IMMP2L: variants seen among roughly 807,000 people sequenced by gnomAD.
The protein encoded by IMMP2L is mitochondrial inner membrane protease subunit 2.
Under a neutral mutation model 19.3 loss-of-function variants are expected in IMMP2L, and 18 were observed. The ratio of observed to expected loss-of-function variants is 0.93; its 90% CI spans 0.64 to 1.38. The LOEUF is 1.38. IMMP2L is among the 40% of genes most tolerant of loss of function. The pLI is 0.00. For missense variants in IMMP2L, 233 were observed against 218.2 expected (o/e 1.07, Z -0.43); for synonymous variants, 76 against 73.0 (o/e 1.04, Z -0.21).
At chr7:111,459,264 A>G (rs912223652) in intron 3 of IMMP2L, among the ~76,000 whole-genome samples, 1 of 152,142 alleles carries the variant, frequency 6.6e-6, no homozygotes, top group African/African-American at 2.4e-5. Flanking sequence ...GCAGTCCAGA[A>G]GTGAAATTAA....
At chr7:110,852,519 GTT>G (rs1806341864) in intron 5 of IMMP2L, among the ~76,000 whole-genome samples, 2 of 152,134 alleles carry the variant, frequency 1.3e-5, no homozygotes, top group African/African-American at 4.8e-5. Context: ...CTATAGGGCT[GTT>G]GATGATGTGC....
intron 5 of IMMP2L, among the ~76,000 whole-genome samples, chr7:110,668,068 T>C (rs1417929830): frequency 6.6e-6 from 1 of 152,176 alleles, no homozygotes; most frequent in Non-Finnish European, 1.5e-5. Flanking sequence ...ATATATCCTG[T>C]AAGCTACCTC....
intron 5 of IMMP2L, among the ~76,000 whole-genome samples, chr7:110,861,545 G>A (rs1807433358): frequency 6.6e-6 from 1 of 152,000 alleles, no homozygotes; most frequent in Non-Finnish European, 1.5e-5. Flanking sequence ...TTTTATAGGT[G>A]TGAGCCACCA....
At chr7:110,799,043 CTAGTGATT>C (rs1305826493) in intron 5 of IMMP2L, among the ~76,000 whole-genome samples, 1 of 151,820 alleles carries the variant, frequency 6.6e-6, no homozygotes, top group Non-Finnish European at 1.5e-5. Flanking sequence ...TTGTTGTTTT[CTAGTGATT>C]TACCGAATTA....
At chr7:110,777,094 A>T (rs775023395) in intron 5 of IMMP2L, among the ~76,000 whole-genome samples, 63 of 151,984 alleles carry the variant, frequency 4.1e-4, no homozygotes, top group Non-Finnish European at 8.1e-4. Flanking sequence ...AGTAGTAAGA[A>T]ATTAGTATCA....
intron 1 of IMMP2L, among the ~76,000 whole-genome samples, chr7:111,548,372 T>C (rs1849134475): frequency 6.6e-6 from 1 of 152,192 alleles, no homozygotes; most frequent in Admixed American, 6.5e-5. Context: ...TCTTATTTGC[T>C]GGTGACAATT....
intron 3 of IMMP2L, among the ~76,000 whole-genome samples, chr7:111,308,182 C>G (rs1823095227): frequency 6.6e-6 from 1 of 151,930 alleles, no homozygotes; most frequent in Non-Finnish European, 1.5e-5. Flanking sequence ...AATGTCTACA[C>G]TGGCAGTACC....
At chr7:110,836,576 A>T (rs1804502828) in intron 5 of IMMP2L, among the ~76,000 whole-genome samples, 1 of 152,130 alleles carries the variant, frequency 6.6e-6, no homozygotes, top group South Asian at 2.1e-4. Context: ...TGGAACTGAA[A>T]GCCCAATAAA....
chr7:111,043,725 G>A (rs1353509661), intron 3 of IMMP2L, among the ~76,000 whole-genome samples: 1 of 152,174 alleles, frequency 6.6e-6, no homozygotes, highest in Non-Finnish European at 1.5e-5. Flanking sequence ...CCTGCTTCCT[G>A]CCATCTCTAC....
At chr7:111,102,002 T>C (rs1164760665) in intron 3 of IMMP2L, among the ~76,000 whole-genome samples, 1 of 151,152 alleles carries the variant, frequency 6.6e-6, no homozygotes, top group Non-Finnish European at 1.5e-5. Context: ...TCTCACTCCA[T>C]ATGGAACTCA....
At position 111,098,725 on chromosome 7, in the gene IMMP2L, C is replaced by T. The variant is rs182620482; in HGVS notation, c.240-135160G>A. Among the ~76,000 whole-genome samples, 255 of 151,762 alleles carry T rather than the reference C, an allele frequency of 1.7e-3. 2 individuals carry two copies. Among genetic ancestry groups the T allele is most frequent in the African/African-American group, 5.9e-3 (243 of 41,448 alleles). On this transcript the variant is annotated intron_variant, in intron 3 of 5. Transcript: ENST00000405709. ...CGCTATGTTTAACCCATTTTACCAA[C>T]GTGAAAAATAAGGCTTAGAGAAGAA...
intron 3 of IMMP2L, among the ~76,000 whole-genome samples, chr7:111,100,947 A>G (rs1163059487): frequency 2.0e-5 from 3 of 151,546 alleles, no homozygotes; most frequent in Admixed American, 1.3e-4. Flanking sequence ...AAACTTTTAA[A>G]TATCTTTCTA....
chr7:110,870,086 C>A lies in IMMP2L; in HGVS notation c.408+16507G>T, dbSNP rs1426028325. 6.6e-6 allele frequency among the ~76,000 whole-genome samples: 1 copy of A among 152,084 alleles called. No individual in the cohort carries two copies. Among genetic ancestry groups the A allele is most frequent in the Non-Finnish European group, 1.5e-5 (1 of 68,018 alleles). ...CCTATCACAAAAGCTCTGTGCTCTG[C>A]CTAAAGGAAACTTTTTATTTGGTCC... On this transcript the variant is annotated intron_variant, in intron 5 of 5. Transcript: ENST00000405709. This position sits in a 1 kb window ranked among gnomAD's most constrained non-coding sequence, Gnocchi z 4.2.
intron 3 of IMMP2L, among the ~76,000 whole-genome samples, chr7:111,480,582 C>G (rs1242425401): frequency 6.9e-6 from 1 of 145,890 alleles, no homozygotes; most frequent in African/African-American, 2.6e-5. Context: ...ATTTCCCTCC[C>G]CAGCATTTTA....
chr7:110,826,881 T>C (rs1323308465), intron 5 of IMMP2L, among the ~76,000 whole-genome samples: 1 of 150,390 alleles, frequency 6.6e-6, no homozygotes, highest in Non-Finnish European at 1.5e-5. Context: ...AAAAAAAAAG[T>C]TAATAATTTT....
intron 4 of IMMP2L, among the ~76,000 whole-genome samples, chr7:110,947,800 C>T (rs977034641): frequency 1.3e-5 from 2 of 152,140 alleles, no homozygotes; most frequent in Admixed American, 6.5e-5. Context: ...TGGGATGCAG[C>T]AATTTTCACT....
At chr7:110,730,835 T>C (rs1209789352) in intron 5 of IMMP2L, among the ~76,000 whole-genome samples, 1 of 152,170 alleles carries the variant, frequency 6.6e-6, no homozygotes, top group Non-Finnish European at 1.5e-5. Flanking sequence ...GGGACTGGCT[T>C]TCTTACTCCT....
chr7:111,226,312 C>G (rs955733518), intron 3 of IMMP2L, among the ~76,000 whole-genome samples: 2 of 151,970 alleles, frequency 1.3e-5, no homozygotes, highest in Non-Finnish European at 2.9e-5. Context: ...TGCCACCATG[C>G]CCAGCTACAT....
At chr7:111,157,836 C>T (rs929715230) in intron 3 of IMMP2L, among the ~76,000 whole-genome samples, 1 of 151,604 alleles carries the variant, frequency 6.6e-6, no homozygotes, top group Non-Finnish European at 1.5e-5. Context: ...ATCTCATGTG[C>T]CCCCTAAATA....
Sources: allele counts gnomAD v4.1 joint callset (sites outside exome capture counted in the v4.1 genomes callset), GRCh38; gene constraint gnomAD v4.1.1; non-coding constraint Gnocchi (gnomAD v3.1); transcripts MANE v1.5; gene names NCBI Gene and HGNC (gene_info 2026-07-23, HGNC 2026-07-21).